The following XYLB variants were observed in gnomAD, a reference collection of about 807,000 sequenced individuals.
XYLB encodes the protein xylulose kinase.
In XYLB, 62 loss-of-function variants were observed where a neutral mutation model predicts 78.7. The observed-to-expected ratio is 0.79, with a 90% CI of 0.64 to 0.97. The LOEUF (loss-of-function observed/expected upper bound fraction) is 0.97. XYLB is among the 50% of genes least tolerant of loss of function. The pLI, the probability that XYLB is intolerant of heterozygous loss-of-function variation, is 0.00. For missense variants in XYLB, 687 were observed against 676.8 expected (o/e 1.02, Z -0.17); for synonymous variants, 245 against 247.4 (o/e 0.99, Z 0.09).
downstream of XYLB, among the ~76,000 whole-genome samples, chr3:38,421,588 A>G (rs1349984182): frequency 6.6e-6 from 1 of 152,130 alleles, no homozygotes; most frequent in Admixed American, 6.6e-5. Context: ...TAGGCAGCAC[A>G]CTGAAAAAGG....
At chr3:38,398,098 G>A (rs3016006) in intron 17 of XYLB, among the ~76,000 whole-genome samples, 8 of 151,692 alleles carry the variant, frequency 5.3e-5, no homozygotes, top group South Asian at 4.2e-4. Flanking sequence ...GATTACAGGC[G>A]TGAGCCACCG....
intron 9 of XYLB, chr3:38,372,322 T>C (rs1196586206): frequency 2.1e-6 from 2 of 933,122 alleles, no homozygotes; most frequent in Non-Finnish European, 2.6e-6. Context: ...TTTTTTTTTT[T>C]AATGCTATAT....
downstream of XYLB, among the ~76,000 whole-genome samples, chr3:38,422,815 A>C (rs1178078981): frequency 6.6e-6 from 1 of 152,066 alleles, no homozygotes; most frequent in Non-Finnish European, 1.5e-5. Context: ...AAAAAAATTT[A>C]CAAGGGTTAA....
chr3:38,443,723 C>G, the XYLB span, among the ~76,000 whole-genome samples: 27 of 152,144 alleles, frequency 1.8e-4, no homozygotes, highest in Non-Finnish European at 3.1e-4. Context: ...ATAAACTTAT[C>G]TTTTAGGATA....
At chr3:38,406,132 C>A (rs913425606) in intron 18 of XYLB, among the ~76,000 whole-genome samples, 3 of 152,184 alleles carry the variant, frequency 2.0e-5, no homozygotes, top group Non-Finnish European at 4.4e-5. Context: ...CTGGGAGGCA[C>A]CCCCCAGTAG....
the XYLB span, chr3:38,450,986 C>A: frequency 1.3e-5 from 2 of 152,200 alleles, no homozygotes; most frequent in Non-Finnish European, 2.9e-5. Flanking sequence ...CTAGGTCCTG[C>A]TGCTCGGTGC....
the XYLB span, among the ~76,000 whole-genome samples, chr3:38,432,411 A>G: frequency 5.3e-5 from 8 of 152,126 alleles, no homozygotes; most frequent in Non-Finnish European, 1.2e-4. Flanking sequence ...TACTAAAAAT[A>G]CAAAAATTAG....
intron 15 of XYLB, among the ~76,000 whole-genome samples, chr3:38,391,234 CAACA>C (rs1183202689): frequency 1.1e-3 from 10 of 8,968 alleles, no homozygotes; most frequent in East Asian, 0.17. Context: ...ACAACAACAA[CAACA>C]AAAAAAAAGA....
chr3:38,444,767 C>A, the XYLB span, among the ~76,000 whole-genome samples: 2 of 152,120 alleles, frequency 1.3e-5, no homozygotes, highest in Non-Finnish European at 2.9e-5. Flanking sequence ...AAAGAAAAAA[C>A]CGCCCATGGT....
At position 38,367,332 on chromosome 3, in the gene XYLB, A is replaced by G. The variant is rs566563468; in HGVS notation, c.573+459A>G. On this transcript the variant is annotated intron_variant, in intron 7 of 18. Coordinates refer to ENST00000207870, the MANE Select transcript of XYLB (RefSeq NM_005108.4). ...GCCAGAGCCTCTGTCACAGGAACCCAGGTTCATTCCTGGCTCCACAGTTGC... is the reference window on the plus strand; with the variant it reads ...GCCAGAGCCTCTGTCACAGGAACCCGGGTTCATTCCTGGCTCCACAGTTGC... 8.5e-5 allele frequency among the ~76,000 whole-genome samples: 13 copies of G among 152,356 alleles called. No individual in the cohort carries two copies. In the East Asian group the frequency reaches 2.3e-3, roughly 27 times the overall value.
At chr3:38,421,127 C>T (rs970996405), downstream of XYLB, 2 of 152,234 alleles carry the variant, frequency 1.3e-5, no homozygotes, top group African/African-American at 2.4e-5. Flanking sequence ...GTGGGTCAAG[C>T]TCTGTTTGTG....
Position 38,365,756 on chromosome 3 carries a change from G to A in XYLB, c.507+20G>A, listed in dbSNP as rs903075267. ...TATGAGGTAGGCTGAGGATGCGGGGGGTGCAGGGGGTGGTCTGGTTGCAAG... is the reference window on the plus strand; with the variant it reads ...TATGAGGTAGGCTGAGGATGCGGGGAGTGCAGGGGGTGGTCTGGTTGCAAG... On this transcript the variant is annotated intron_variant, in intron 6 of 18. Transcript: ENST00000207870. 3.7e-6 allele frequency: 6 copies of A among 1,601,076 alleles called. No individual in the cohort carries two copies. Among genetic ancestry groups the A allele is most frequent in the Non-Finnish European group, 4.3e-6 (5 of 1,172,730 alleles).
chr3:38,353,185 A>G (rs1012167259), intron 2 of XYLB, among the ~76,000 whole-genome samples: 1 of 152,208 alleles, frequency 6.6e-6, no homozygotes, highest in Non-Finnish European at 1.5e-5. Context: ...TTCTTGTAAG[A>G]TTTCAGCTTT....
the XYLB span, among the ~76,000 whole-genome samples, chr3:38,430,353 T>C: frequency 3.3e-4 from 50 of 152,316 alleles, no homozygotes; most frequent in African/African-American, 1.1e-3. Flanking sequence ...TAAATGTCTT[T>C]TTTTGAGAAG....
intron 15 of XYLB, among the ~76,000 whole-genome samples, chr3:38,385,096 G>A (rs901469950): frequency 6.6e-6 from 1 of 152,130 alleles, no homozygotes; most frequent in South Asian, 2.1e-4. Flanking sequence ...CGCCTCCCGG[G>A]TTCAAGCGAT....
chr3:38,368,339 C>A, intron 8 of XYLB, 82 bp downstream of exon 8: 1 of 1,272,672 alleles, frequency 7.9e-7, no homozygotes, highest in Non-Finnish European at 1.1e-6. Flanking sequence ...CCCCACCTAC[C>A]CCGAGTGGGT....
At chr3:38,400,227 G>A (rs1179090690) in intron 17 of XYLB, among the ~76,000 whole-genome samples, 1 of 152,156 alleles carries the variant, frequency 6.6e-6, no homozygotes, top group Non-Finnish European at 1.5e-5. Context: ...AGGCACCATG[G>A]TTATAGTGGT....
chr3:38,366,267 A>G (rs915563320), intron 6 of XYLB, among the ~76,000 whole-genome samples: 2 of 152,148 alleles, frequency 1.3e-5, no homozygotes, highest in Non-Finnish European at 2.9e-5. Context: ...GCCACCTGAA[A>G]TAACAATATG....
At chr3:38,357,810 T>G (rs1705743296) in intron 2 of XYLB, among the ~76,000 whole-genome samples, 1 of 152,198 alleles carries the variant, frequency 6.6e-6, no homozygotes, top group South Asian at 2.1e-4. Context: ...TGAGTATCTT[T>G]GCCATTTGTG....
Sources: gnomAD v4.1 joint callset for allele counts (sites outside exome capture counted in the v4.1 genomes callset) on GRCh38, gnomAD v4.1.1 for gene constraint, MANE v1.5 for transcripts, NCBI Gene and HGNC (gene_info 2026-07-23, HGNC 2026-07-21) for gene names.